The following CLDN10 variants were observed in gnomAD, a reference collection of about 807,000 sequenced individuals.
CLDN10 encodes claudin 10, also known as claudin-10.
In CLDN10, 15 loss-of-function variants were observed where a neutral mutation model predicts 22.9. That is an observed-to-expected ratio of 0.65 (90% CI 0.44 to 1.01). The LOEUF (loss-of-function observed/expected upper bound fraction) is 1.01, where lower values mean the gene tolerates loss of function less well. CLDN10 is among the 50% of genes least tolerant of loss of function. The pLI is 0.00. For synonymous variants in CLDN10, 114 were observed against 111.4 expected (o/e 1.02, Z -0.15); for missense variants, 247 against 287.8 (o/e 0.86, Z 1.03).
chr13:95,524,532 C>T (rs978146494), intron 1 of CLDN10, among the ~76,000 whole-genome samples: 2 of 152,060 alleles, frequency 1.3e-5, no homozygotes, highest in Non-Finnish European at 2.9e-5. Context: ...ATGGAAATAC[C>T]ACATGTTGTT....
At chr13:95,444,865 G>A (rs936898975) in intron 1 of CLDN10, among the ~76,000 whole-genome samples, 1 of 152,134 alleles carries the variant, frequency 6.6e-6, no homozygotes, top group Admixed American at 6.5e-5. Context: ...TGCTATCTCG[G>A]CTCACTACCA....
chr13:95,554,724 A>G (rs78891405), intron 1 of CLDN10, among the ~76,000 whole-genome samples: 6 of 152,344 alleles, frequency 3.9e-5, no homozygotes, highest in African/African-American at 1.4e-4. Context: ...GTCAGTACTT[A>G]ATAGAAGTGA....
intron 3 of CLDN10, among the ~76,000 whole-genome samples, chr13:95,567,348 G>A (rs561753002): frequency 6.6e-6 from 1 of 152,310 alleles, no homozygotes; most frequent in South Asian, 2.1e-4. Flanking sequence ...TCCCTTGTAA[G>A]TTGGATTCCT....
At chr13:95,445,471 A>G (rs1046329681) in intron 1 of CLDN10, among the ~76,000 whole-genome samples, 7 of 152,244 alleles carry the variant, frequency 4.6e-5, no homozygotes, top group Non-Finnish European at 1.0e-4. Context: ...AGAGCATAGC[A>G]GCAGGAATAC....
chr13:95,499,522 A>T (rs189391110), intron 1 of CLDN10, among the ~76,000 whole-genome samples: 1 of 152,350 alleles, frequency 6.6e-6, no homozygotes, highest in East Asian at 1.9e-4. Flanking sequence ...AGCCTGGGCG[A>T]CAAGAGTGAA....
At chr13:95,511,790 G>A (rs1385123633) in intron 1 of CLDN10, among the ~76,000 whole-genome samples, 1 of 10,478 alleles carries the variant, frequency 9.5e-5, no homozygotes, top group African/African-American at 1.7e-4. Context: ...TTTTTTTTTG[G>A]TTTTTGTTTG....
intron 1 of CLDN10, among the ~76,000 whole-genome samples, chr13:95,453,694 GA>G (rs71292898): frequency 0.024 from 3,381 of 138,840 alleles, 61 homozygotes; most frequent in Middle Eastern, 0.057. Flanking sequence ...AAAAGAAAAA[GA>G]AAAAAAAAAA....
intron 1 of CLDN10, among the ~76,000 whole-genome samples, chr13:95,465,153 AAG>A (rs374420341): frequency 3.7e-4 from 57 of 152,296 alleles, no homozygotes; most frequent in African/African-American, 1.4e-3. Context: ...TGGTGGCAGA[AAG>A]AGAGAATGAG....
intron 3 of CLDN10, among the ~76,000 whole-genome samples, chr13:95,573,114 G>C (rs2043882816): frequency 6.6e-6 from 1 of 152,168 alleles, no homozygotes. Context: ...CTTCACCTTA[G>C]ATCTTTATGG....
intron 1 of CLDN10, among the ~76,000 whole-genome samples, chr13:95,442,953 G>A (rs2042338632): frequency 6.6e-6 from 1 of 152,204 alleles, no homozygotes; most frequent in Non-Finnish European, 1.5e-5. Context: ...GTTATTCATT[G>A]ATGACTTTAA....
upstream of CLDN10, among the ~76,000 whole-genome samples, chr13:95,548,249 G>C (rs767134724): frequency 3.3e-5 from 5 of 152,160 alleles, no homozygotes; most frequent in Non-Finnish European, 7.3e-5. Context: ...AGGCTCGAAG[G>C]GTATTCCTGC....
chr13:95,575,350 A>G (rs2043910046), intron 3 of CLDN10, among the ~76,000 whole-genome samples: 1 of 152,230 alleles, frequency 6.6e-6, no homozygotes, highest in Non-Finnish European at 1.5e-5. Context: ...GCCATCTTCT[A>G]GGATTTCCAG....
At chr13:95,559,605 G>A (rs945949852) in intron 1 of CLDN10, among the ~76,000 whole-genome samples, 1 of 152,142 alleles carries the variant, frequency 6.6e-6, no homozygotes, top group African/African-American at 2.4e-5. Flanking sequence ...AATATTGGAA[G>A]GTTTGACCCT....
intron 1 of CLDN10, among the ~76,000 whole-genome samples, chr13:95,435,008 T>G (rs946437189): frequency 6.6e-6 from 1 of 152,240 alleles, no homozygotes; most frequent in Admixed American, 6.5e-5. Flanking sequence ...TTTGGTTACC[T>G]GATTTTATTT....
At chr13:95,524,518 T>C in intron 1 of CLDN10, among the ~76,000 whole-genome samples, 1 of 152,224 alleles carries the variant, frequency 6.6e-6, no homozygotes, top group Non-Finnish European at 1.5e-5. Context: ...TGATATTCCA[T>C]TGTATGGAAA....
chr13:95,446,567 C>A (rs1176709323), intron 1 of CLDN10, among the ~76,000 whole-genome samples: 3 of 152,212 alleles, frequency 2.0e-5, no homozygotes, highest in African/African-American at 4.8e-5. Context: ...GAAGGTTGGA[C>A]GCAGTGGCTC....
chr13:95,467,529 T>TTG (rs34372824), intron 1 of CLDN10, among the ~76,000 whole-genome samples: 43,290 of 150,718 alleles, frequency 0.29, 7,518 homozygotes, highest in Non-Finnish European at 0.39. Context: ...TTGTTTTTTT[T>TTG]GGGGGGGGCA....
At chr13:95,468,219 T>TTTTG (rs144985723) in intron 1 of CLDN10, among the ~76,000 whole-genome samples, 4,603 of 151,324 alleles carry the variant, frequency 0.03, 234 homozygotes, top group African/African-American at 0.1. Flanking sequence ...TTCTTCCTGT[T>TTTTG]TTTGTTTGTT....
intron 1 of CLDN10, among the ~76,000 whole-genome samples, chr13:95,467,957 T>C (rs2042595897): frequency 6.6e-6 from 1 of 152,226 alleles, no homozygotes; most frequent in Non-Finnish European, 1.5e-5. Context: ...TCAACCTTTT[T>C]GTTCTATTCA....
Sources: gnomAD v4.1 joint callset for allele counts (sites outside exome capture counted in the v4.1 genomes callset) on GRCh38, gnomAD v4.1.1 for gene constraint, MANE v1.5 for transcripts, NCBI Gene and HGNC (gene_info 2026-07-23, HGNC 2026-07-21) for gene names.